ZC3H12B: variants seen among roughly 807,000 people sequenced by gnomAD.
ZC3H12B encodes zinc finger CCCH-type containing 12B, also known as probable ribonuclease ZC3H12B.
Under a neutral mutation model 43.9 loss-of-function variants are expected in ZC3H12B, and 7 were observed. That is an observed-to-expected ratio of 0.16 (90% CI 0.09 to 0.30). The LOEUF is 0.30. Ranked by LOEUF, ZC3H12B falls within the 10% of genes least tolerant of loss-of-function variation. ZC3H12B has a pLI of 1.00. For missense variants in ZC3H12B, 475 were observed against 670.2 expected, an observed-to-expected ratio of 0.71 and a Z score of 3.22; for synonymous variants, 222 against 241.7, an observed-to-expected ratio of 0.92 and a Z score of 0.76.
chrX:65,267,415 G>A, the ZC3H12B span, among the ~76,000 whole-genome samples: 2 of 108,355 alleles, frequency 1.8e-5, no homozygotes, highest in Admixed American at 9.9e-5. Context: ...AAGTTCCAGG[G>A]TTACCACATT....
chrX:65,458,710 G>C (rs1018620776), intron 3 of ZC3H12B, among the ~76,000 whole-genome samples: 8 of 111,874 alleles, frequency 7.2e-5, no homozygotes, highest in Non-Finnish European at 1.3e-4. Flanking sequence ...ATTCAAAACA[G>C]TGTGTAGAGG....
At chrX:65,309,681 G>A in the ZC3H12B span, among the ~76,000 whole-genome samples, 1 of 111,928 alleles carries the variant, frequency 8.9e-6, no homozygotes, top group Non-Finnish European at 1.9e-5. Context: ...GCCTAGCAGA[G>A]ACACAACGAA....
chrX:65,406,565 AACGGGGCTGG>A (rs1211770819), intron 3 of ZC3H12B, among the ~76,000 whole-genome samples: 2,994 of 48,490 alleles, frequency 0.062, 151 homozygotes, highest in South Asian at 0.23. Context: ...ATCGGGGCTG[AACGGGGCTGG>A]GCGGGGCTGG....
At chrX:65,195,421 A>T in the ZC3H12B span, among the ~76,000 whole-genome samples, 3 of 112,077 alleles carry the variant, frequency 2.7e-5, no homozygotes, top group South Asian at 1.1e-3. Context: ...GATTGTATAA[A>T]CCAACAAACA....
chrX:65,246,373 C>A, the ZC3H12B span, among the ~76,000 whole-genome samples: 1 of 111,984 alleles, frequency 8.9e-6, no homozygotes, highest in Non-Finnish European at 1.9e-5. Context: ...TTTTATTAAA[C>A]CACCATTGAC....
the ZC3H12B span, among the ~76,000 whole-genome samples, chrX:65,269,439 CAA>C: frequency 3.6e-5 from 4 of 110,071 alleles, no homozygotes; most frequent in African/African-American, 9.9e-5. Flanking sequence ...AAAAATAAAT[CAA>C]GAGTGCAATC....
At chrX:65,333,598 C>T in the ZC3H12B span, among the ~76,000 whole-genome samples, 3 of 112,213 alleles carry the variant, frequency 2.7e-5, no homozygotes, top group Non-Finnish European at 3.8e-5. Context: ...GCAGTTATCA[C>T]CTGTCCTGCT....
chrX:65,159,781 C>T, the ZC3H12B span, among the ~76,000 whole-genome samples: 1 of 111,654 alleles, frequency 9.0e-6, no homozygotes, highest in African/African-American at 3.3e-5. Flanking sequence ...TTGCCCTGGC[C>T]AGAACTTCCA....
chrX:65,111,545 ATTTTT>A, the ZC3H12B span, among the ~76,000 whole-genome samples: 1 of 88,851 alleles, frequency 1.1e-5, no homozygotes, highest in Non-Finnish European at 1.9e-5. Flanking sequence ...TTATTTTTTT[ATTTTT>A]TTATTATTTT....
the ZC3H12B span, among the ~76,000 whole-genome samples, chrX:65,217,720 C>T: frequency 9.9e-5 from 11 of 111,637 alleles, no homozygotes; most frequent in East Asian, 3.1e-3. Flanking sequence ...GAAATAATTA[C>T]TGAGCTGTAA....
At chrX:65,111,746 T>C in the ZC3H12B span, among the ~76,000 whole-genome samples, 1 of 110,001 alleles carries the variant, frequency 9.1e-6, no homozygotes, top group Non-Finnish European at 1.9e-5. Context: ...TGTTTTGAGG[T>C]GCCACAAACC....
the ZC3H12B span, among the ~76,000 whole-genome samples, chrX:65,160,954 T>G: frequency 9.0e-6 from 1 of 111,504 alleles, no homozygotes; most frequent in Non-Finnish European, 1.9e-5. Flanking sequence ...GATTCTTGTA[T>G]GTTGTGTCTT....
chrX:65,496,163 A>C (rs1016981792), intron 1 of ZC3H12B, among the ~76,000 whole-genome samples: 1 of 112,414 alleles, frequency 8.9e-6, no homozygotes, highest in African/African-American at 3.2e-5. Context: ...AATCGGTGTT[A>C]CATTATATAT....
At chrX:65,306,462 T>C in the ZC3H12B span, among the ~76,000 whole-genome samples, 1 of 108,548 alleles carries the variant, frequency 9.2e-6, no homozygotes, top group African/African-American at 3.4e-5. Flanking sequence ...AACCTCTGCC[T>C]CCTGGGTTCT....
At chrX:65,226,100 A>T in the ZC3H12B span, among the ~76,000 whole-genome samples, 2 of 111,777 alleles carry the variant, frequency 1.8e-5, no homozygotes, top group African/African-American at 6.5e-5. Context: ...GAAATGAAGG[A>T]AAAAATGTTA....
chrX:65,199,903 A>G, the ZC3H12B span, among the ~76,000 whole-genome samples: 225 of 110,598 alleles, frequency 2.0e-3, no homozygotes, highest in African/African-American at 7.1e-3. Context: ...TAGTGCTGCA[A>G]TGAACATATG....
At chrX:65,440,126 G>T (rs1489636552) in intron 3 of ZC3H12B, among the ~76,000 whole-genome samples, 1 of 111,626 alleles carries the variant, frequency 9.0e-6, no homozygotes, top group East Asian at 2.8e-4. Flanking sequence ...GTCATCAGTT[G>T]TTCATCTATA....
the ZC3H12B span, among the ~76,000 whole-genome samples, chrX:65,192,034 A>T: frequency 9.1e-6 from 1 of 109,610 alleles, no homozygotes; most frequent in Admixed American, 9.8e-5. Flanking sequence ...GAACATCTTT[A>T]TTTCTGCCTT....
chrX:65,423,511 C>A (rs929832973), intron 3 of ZC3H12B, among the ~76,000 whole-genome samples: 3 of 112,275 alleles, frequency 2.7e-5, no homozygotes, highest in Non-Finnish European at 5.6e-5. Context: ...ACATCCTCTC[C>A]AGCATCTGTT....
Sources: allele counts gnomAD v4.1 joint callset (sites outside exome capture counted in the v4.1 genomes callset), GRCh38; gene constraint gnomAD v4.1.1; transcripts MANE v1.5; gene names NCBI Gene and HGNC (gene_info 2026-07-23, HGNC 2026-07-21).